The following AGBL1 variants were observed in gnomAD, a reference collection of about 807,000 sequenced individuals.
AGBL1 encodes the protein AGBL carboxypeptidase 1, also known as cytosolic carboxypeptidase 4.
A neutral mutation model predicts 118.9 loss-of-function variants in AGBL1; 130 were observed. The ratio of observed to expected loss-of-function variants is 1.09; its 90% confidence interval spans 0.95 to 1.26. The LOEUF (loss-of-function observed/expected upper bound fraction) is 1.26. AGBL1 is among the 50% of genes most tolerant of loss of function. The pLI is 0.00. For synonymous variants in AGBL1, 555 were observed against 478.9 expected (o/e 1.16, Z -2.08); for missense variants, 1,584 against 1,298.1 (o/e 1.22, Z -3.38).
At chr15:86,185,402 C>T (rs1344646255) in intron 5 of AGBL1, among the ~76,000 whole-genome samples, 1 of 152,178 alleles carries the variant, frequency 6.6e-6, no homozygotes, top group Non-Finnish European at 1.5e-5. Flanking sequence ...CATCCCATTA[C>T]TGGATATATA....
At position 86,105,509 on chromosome 15, in the gene AGBL1, C is replaced by T. The variant is rs1255493469; in HGVS notation, c.51+25486C>T. Among the ~76,000 whole-genome samples, 3 of 152,096 alleles carry T rather than the reference C, an allele frequency of 2.0e-5. No individual in the cohort carries two copies. The East Asian group carries it at 5.8e-4, about 29-fold the overall frequency. ...GAATTTGGACCAGGAGGCTTCTTGG[C>T]CTCTATCATAAAACCAATTGATGTC... is the stretch of plus-strand genomic sequence containing the variant. On this transcript the variant is annotated intron_variant, in intron 1 of 22. Transcript: ENST00000614907.
chr15:86,443,623 C>G (rs1329247909), intron 18 of AGBL1, among the ~76,000 whole-genome samples: 2 of 152,152 alleles, frequency 1.3e-5, no homozygotes, highest in African/African-American at 2.4e-5. Flanking sequence ...CCTTCCCAGC[C>G]TCCGGTAACT....
intron 1 of AGBL1, among the ~76,000 whole-genome samples, chr15:86,119,411 A>G (rs549674205): frequency 4.0e-5 from 6 of 151,570 alleles, no homozygotes; most frequent in Non-Finnish European, 1.5e-5. Flanking sequence ...CTCCTCTCTC[A>G]ACTATCCCCA....
intron 17 of AGBL1, among the ~76,000 whole-genome samples, chr15:86,333,617 G>T (rs1012896319): frequency 1.3e-5 from 2 of 152,088 alleles, no homozygotes; most frequent in African/African-American, 4.8e-5. Context: ...AAGAAGAGCT[G>T]GTCTCAATTC....
At chr15:86,945,323 GAAAA>G (rs1287723870) in intron 23 of AGBL1, among the ~76,000 whole-genome samples, 3 of 148,730 alleles carry the variant, frequency 2.0e-5, no homozygotes, top group Non-Finnish European at 3.0e-5. Flanking sequence ...TAAAGATAGA[GAAAA>G]AAAGTTTACA....
At chr15:86,259,345 A>G (rs747651585) in intron 9 of AGBL1, among the ~76,000 whole-genome samples, 3 of 152,164 alleles carry the variant, frequency 2.0e-5, no homozygotes, top group Non-Finnish European at 4.4e-5. Context: ...ACTTTGACAA[A>G]TTCCTTTAAG....
At chr15:86,742,720 T>C (rs1170887012) in intron 22 of AGBL1, among the ~76,000 whole-genome samples, 1 of 152,164 alleles carries the variant, frequency 6.6e-6, no homozygotes, top group East Asian at 1.9e-4. Flanking sequence ...GAAAAGAACC[T>C]CTTTCCTTCA....
At chr15:86,849,722 C>G (rs1243461755) in intron 22 of AGBL1, among the ~76,000 whole-genome samples, 1 of 152,188 alleles carries the variant, frequency 6.6e-6, no homozygotes, top group Admixed American at 6.5e-5. Context: ...TTATGCCAGG[C>G]TTAGTATCTG....
intron 18 of AGBL1, among the ~76,000 whole-genome samples, chr15:86,434,547 A>C (rs2081976724): frequency 6.6e-6 from 1 of 152,250 alleles, no homozygotes; most frequent in African/African-American, 2.4e-5. Flanking sequence ...AGAGGATCAT[A>C]AAAGAGACAC....
Position 86,791,045 on chromosome 15 carries a change from T to C in AGBL1, c.3159-116042T>C, listed in dbSNP as rs184095631. 2.5e-3 allele frequency among the ~76,000 whole-genome samples: 384 copies of C among 152,290 alleles called. 1 individual carries two copies. Among genetic ancestry groups the C allele is most frequent in the African/African-American group, 9.0e-3 (375 of 41,580 alleles). ...GATGATCAACAAGTAAGAGATAGCA[T>C]TGGAAGATAGATGATATTTGGAAAG... On this transcript the variant is annotated intron_variant, in intron 22 of 22. Coordinates refer to ENST00000614907, the MANE Select transcript of AGBL1 (RefSeq NM_001386094.1).
downstream of AGBL1, among the ~76,000 whole-genome samples, chr15:86,916,435 G>A (rs1182003344): frequency 1.3e-5 from 2 of 152,174 alleles, no homozygotes; most frequent in African/African-American, 2.4e-5. Context: ...GTTTGTGTGT[G>A]TGTGTGTGAA....
chr15:86,614,054 C>G (rs1056832114), intron 21 of AGBL1, among the ~76,000 whole-genome samples: 2 of 152,116 alleles, frequency 1.3e-5, no homozygotes, highest in African/African-American at 4.8e-5. Flanking sequence ...ATCCTAAGAA[C>G]AGAAGAATGT....
chr15:86,165,781 T>C (rs939665297), intron 5 of AGBL1, among the ~76,000 whole-genome samples: 2 of 151,950 alleles, frequency 1.3e-5, no homozygotes, highest in Non-Finnish European at 2.9e-5. Flanking sequence ...TCAAATACCT[T>C]GGAACAGGAG....
intron 17 of AGBL1, among the ~76,000 whole-genome samples, chr15:86,373,823 CATTT>C (rs1313664229): frequency 6.6e-6 from 1 of 152,186 alleles, no homozygotes; most frequent in Non-Finnish European, 1.5e-5. Context: ...CATCTGTAGC[CATTT>C]ATATTTTACT....
intron 18 of AGBL1, among the ~76,000 whole-genome samples, chr15:86,472,518 A>C (rs2082492220): frequency 6.6e-6 from 1 of 152,264 alleles, no homozygotes; most frequent in Non-Finnish European, 1.5e-5. Flanking sequence ...CAGGTAATGC[A>C]AAGAGACCAG....
intron 5 of AGBL1, among the ~76,000 whole-genome samples, chr15:86,200,561 C>CTT (rs1567121642): frequency 1.7e-5 from 2 of 119,916 alleles, no homozygotes; most frequent in African/African-American, 6.7e-5. Context: ...CCCCCCCCCC[C>CTT]CTTTTTTTTT....
intron 18 of AGBL1, among the ~76,000 whole-genome samples, chr15:86,503,206 T>A (rs2082936478): frequency 6.6e-6 from 1 of 151,518 alleles, no homozygotes; most frequent in African/African-American, 2.4e-5. Flanking sequence ...TTTTGTCCAT[T>A]TCATCTAGGT....
chr15:86,693,607 TA>T (rs2086208980), intron 22 of AGBL1, among the ~76,000 whole-genome samples: 2 of 152,122 alleles, frequency 1.3e-5, no homozygotes, highest in South Asian at 4.1e-4. Flanking sequence ...AAGTCCCACC[TA>T]TTTATCTTTG....
At chr15:86,525,493 T>A (rs1276156931) in intron 19 of AGBL1, among the ~76,000 whole-genome samples, 1 of 152,120 alleles carries the variant, frequency 6.6e-6, no homozygotes, top group Non-Finnish European at 1.5e-5. Flanking sequence ...ATACTACCAG[T>A]CTATATTTAC....
Sources: allele counts gnomAD v4.1 joint callset (sites outside exome capture counted in the v4.1 genomes callset), GRCh38; gene constraint gnomAD v4.1.1; transcripts MANE v1.5; gene names NCBI Gene and HGNC (gene_info 2026-07-23, HGNC 2026-07-21).